PCDHGB4: variants seen among roughly 807,000 people sequenced by gnomAD.
The protein encoded by PCDHGB4 is protocadherin gamma-B4.
In PCDHGB4, 38 loss-of-function variants were observed where a neutral mutation model predicts 60.5. The observed-to-expected ratio is 0.63, with a 90% confidence interval of 0.48 to 0.82. The LOEUF (loss-of-function observed/expected upper bound fraction) is 0.82, where lower values mean the gene tolerates loss of function less well. PCDHGB4 is among the 40% of genes least tolerant of loss of function. The pLI is 0.00. For missense variants in PCDHGB4, 1,109 were observed against 1,209.6 expected (o/e 0.92, Z 1.23); for synonymous variants, 456 against 509.7 (o/e 0.89, Z 1.42).
At chr5:141,496,285 A>G (rs1003747820) in intron 2 of PCDHGB4, among the ~76,000 whole-genome samples, 1 of 152,210 alleles carries the variant, frequency 6.6e-6, no homozygotes, top group Non-Finnish European at 1.5e-5. Flanking sequence ...AGTTGGTCTG[A>G]GCAGAGTGGG....
At chr5:141,497,500 T>G (rs1468175808) in intron 2 of PCDHGB4, among the ~76,000 whole-genome samples, 2 of 151,562 alleles carry the variant, frequency 1.3e-5, no homozygotes, top group Non-Finnish European at 2.9e-5. Context: ...CTCTCTCCTC[T>G]CTCTGCTTCC....
At chr5:141,421,423 C>T in intron 1 of PCDHGB4, 1 of 1,614,052 alleles carries the variant, frequency 6.2e-7, no homozygotes, top group Non-Finnish European at 8.5e-7. Context: ...GCGCGGAGTC[C>T]GCATCGTCTC....
intron 1 of PCDHGB4, chr5:141,399,261 T>G: frequency 1.2e-6 from 2 of 1,613,918 alleles, no homozygotes; most frequent in Non-Finnish European, 1.7e-6. Context: ...ATGGGGAGGT[T>G]AATTGTCAAT....
In PCDHGB4 at chr5:141,490,701, C is replaced by T; in HGVS notation, c.2398-4106C>T. On this transcript the variant is annotated intron_variant, in intron 1 of 3. Transcript: ENST00000519479. This position sits in a 1 kb window ranked among gnomAD's most constrained non-coding sequence, Gnocchi z 5.4. Reference sequence around the variant, plus strand: ...CAGATCCAGACACTGGGGATAATGCCCGCCTCACCTACTCCATTGTAGGAA... The same window carrying T: ...CAGATCCAGACACTGGGGATAATGCTCGCCTCACCTACTCCATTGTAGGAA... The T allele has an allele frequency of 6.2e-7, 1 of 1,614,184 alleles. No individual in the cohort carries two copies. The highest frequency in any genetic ancestry group is 8.5e-7 in the Non-Finnish European group (1 of 1,180,008).
intron 1 of PCDHGB4, among the ~76,000 whole-genome samples, chr5:141,469,731 C>A (rs1332201791): frequency 6.6e-6 from 1 of 152,214 alleles, no homozygotes; most frequent in Non-Finnish European, 1.5e-5. Context: ...ATCATAAATA[C>A]ACACCTCAAA....
intron 1 of PCDHGB4, chr5:141,394,082 G>C: frequency 6.2e-7 from 1 of 1,613,830 alleles, no homozygotes; most frequent in Non-Finnish European, 8.5e-7. Flanking sequence ...TCACAGTGAT[G>C]GCCTCAGATC....
chr5:141,396,525 C>T (rs2093390810), intron 1 of PCDHGB4: 1 of 151,326 alleles, frequency 6.6e-6, no homozygotes, highest in Non-Finnish European at 1.5e-5. Context: ...GAGGCTGAGG[C>T]AGAAGAATCA....
chr5:141,450,071 A>G (rs1039802551), intron 1 of PCDHGB4, among the ~76,000 whole-genome samples: 3 of 139,286 alleles, frequency 2.2e-5, no homozygotes, highest in Non-Finnish European at 3.0e-5. Flanking sequence ...CAGTGGTATG[A>G]TCTTGGCTCA....
chr5:141,394,406 G>A (rs1359061127), intron 1 of PCDHGB4: 1 of 1,614,180 alleles, frequency 6.2e-7, no homozygotes, highest in South Asian at 1.1e-5. Flanking sequence ...TGCAGCTACT[G>A]GTAACAGCCA....
rs775312856 is a variant in PCDHGB4, at chr5:141,485,899, C to G, written c.2398-8908C>G. 1.9e-6 allele frequency: 3 copies of G among 1,614,166 alleles called. No homozygotes were observed. Among genetic ancestry groups the G allele is most frequent in the Non-Finnish European group, 2.5e-6 (3 of 1,180,032 alleles). ...ACGTAAACGACAACGCCCCAGCCTT[C>G]CAGCAATCCAGCTACAGGATTAGTG... On this transcript the variant is annotated intron_variant, in intron 1 of 3. Transcript: ENST00000519479. The surrounding 1 kb of genome is among the most constrained non-coding windows in gnomAD (Gnocchi z 5.7).
At chr5:141,421,531 T>G (rs1318944446) in intron 1 of PCDHGB4, 1 of 1,613,904 alleles carries the variant, frequency 6.2e-7, no homozygotes, top group Non-Finnish European at 8.5e-7. Flanking sequence ...GACGGTGTCC[T>G]CCTGTTTTTT....
rs747075769 is a variant in PCDHGB4 at position 141,388,772 on chromosome 5, C to T, written c.888C>T (p.Thr296=). 1.2e-6 allele frequency: 2 copies of T among 1,613,798 alleles called. No homozygotes were observed. Among genetic ancestry groups the T allele is most frequent in the Non-Finnish European group, 1.7e-6 (2 of 1,179,772 alleles). ...QITQFDLNSN[T]GEITVLNTLD... ...CCCAATTTGACCTGAACTCTAACAC[C>T]GGGGAAATTACTGTTTTAAATACAT... The change falls in exon 1 of 4, where the codon ACC becomes ACT. Residue 296 remains threonine, a synonymous_variant. Coordinates refer to ENST00000519479, the MANE Select transcript of PCDHGB4 (RefSeq NM_003736.4).
chr5:141,435,108 G>A lies in PCDHGB4; in HGVS notation c.2397+44827G>A, dbSNP rs1027955145. ...AACTGATCTGTTTATCTAGGGGGGA[G>A]AAATCTAATTCAATGGAAAATATAA... On this transcript the variant is annotated intron_variant, in intron 1 of 3. Transcript: ENST00000519479. Among the ~76,000 whole-genome samples, 3 of 152,144 alleles carry A rather than the reference G, an allele frequency of 2.0e-5. No homozygotes were observed. In the South Asian group the frequency reaches 6.2e-4, roughly 32 times the overall value.
intron 1 of PCDHGB4, chr5:141,427,916 G>T: frequency 1.3e-6 from 2 of 1,578,854 alleles, no homozygotes; most frequent in East Asian, 2.2e-5. Flanking sequence ...GCGCCAACAT[G>T]AGCCGGCGCA....
chr5:141,421,383 C>A lies in PCDHGB4; in HGVS notation c.2397+31102C>A, dbSNP rs754951142. The A allele has an allele frequency of 2.5e-6, 4 of 1,614,034 alleles. 1 individual carries two copies. The highest frequency in any genetic ancestry group is 8.5e-7 in the Non-Finnish European group (1 of 1,179,910). On this transcript the variant is annotated intron_variant, in intron 1 of 3. Transcript: ENST00000519479. ...CCTTCGTGGGCAATATCTCCAAGGA[C>A]CTGGGGCTGGAGCCCCGGGAGCTGG...
intron 1 of PCDHGB4, chr5:141,403,068 C>G (rs1178674622): frequency 6.2e-7 from 1 of 1,614,064 alleles, no homozygotes; most frequent in Admixed American, 1.7e-5. Context: ...CCTGAAGAGA[C>G]AGAAAAGGGC....
chr5:141,469,419 A>G (rs1047562022), intron 1 of PCDHGB4, among the ~76,000 whole-genome samples: 2 of 152,066 alleles, frequency 1.3e-5, no homozygotes, highest in South Asian at 2.1e-4. Flanking sequence ...TACTAAAAAT[A>G]TAAAACTTAG....
chr5:141,459,506 A>G (rs1156362858), intron 1 of PCDHGB4, among the ~76,000 whole-genome samples: 1 of 152,236 alleles, frequency 6.6e-6, no homozygotes, highest in East Asian at 1.9e-4. Flanking sequence ...GATGTGAACA[A>G]TCATGTACAA....
At chr5:141,496,021 G>A (rs1011612662) in intron 2 of PCDHGB4, among the ~76,000 whole-genome samples, 1 of 151,336 alleles carries the variant, frequency 6.6e-6, no homozygotes, top group Admixed American at 6.6e-5. Context: ...TTTTCTCTGA[G>A]CCTCTGTCTC....
Sources: gnomAD v4.1 joint callset for allele counts (sites outside exome capture counted in the v4.1 genomes callset) on GRCh38, gnomAD v4.1.1 for gene constraint, Gnocchi (gnomAD v3.1) non-coding constraint, MANE v1.5 for transcripts, NCBI Gene and HGNC (gene_info 2026-07-23, HGNC 2026-07-21) for gene names.